The following NTS variants were observed in gnomAD, a reference collection of about 807,000 sequenced individuals.
NTS encodes the protein neurotensin.
Under a neutral mutation model 19.5 loss-of-function variants are expected in NTS, and 20 were observed. That is an observed-to-expected ratio of 1.02 (90% CI 0.72 to 1.49). The LOEUF is 1.49. Among genes scored for constraint, NTS ranks in the 40% most tolerant of loss-of-function variants. The pLI, the probability that NTS is intolerant of heterozygous loss-of-function variation, is 0.00. For missense variants in NTS, 215 were observed against 193.1 expected (o/e 1.11, Z -0.67); for synonymous variants, 71 against 63.3 (o/e 1.12, Z -0.58).
chr12:85,874,989 T>G (rs1375715350), intron 1 of NTS, among the ~76,000 whole-genome samples: 1 of 152,232 alleles, frequency 6.6e-6, no homozygotes, highest in Non-Finnish European at 1.5e-5. Context: ...TGAAGCATTA[T>G]TTGTAGAAAA....
intron 3 of NTS, among the ~76,000 whole-genome samples, chr12:85,879,722 T>A (rs182841348): frequency 7.7e-6 from 1 of 129,468 alleles, no homozygotes; most frequent in Non-Finnish European, 1.7e-5. Context: ...AATATATTTT[T>A]TGTATATTTT....
chr12:85,882,208 A>G lies in NTS; in HGVS notation c.361-15A>G, dbSNP rs751840284. 9 of 1,561,112 alleles carry G rather than the reference A, an allele frequency of 5.8e-6. No homozygotes were observed. Among genetic ancestry groups the G allele is most frequent in the Non-Finnish European group, 7.8e-6 (9 of 1,150,046 alleles). On this transcript the variant is annotated splice_polypyrimidine_tract_variant and intron_variant, in intron 3 of 3. Coordinates refer to ENST00000256010, the MANE Select transcript of NTS (RefSeq NM_006183.5). ...TATTCATGTAAGTTTCACTTATTTT[A>G]TCTCTATCTTGCAGTTAATCCAGGA...
rs1047650091 is a variant in NTS at position 85,882,169 on chromosome 12, G to C, written c.361-54G>C. ...GAGATAGAATGTAGAAAAATGCTCT[G>C]AAACAAAAGAGTTTATTCATGTAAG... On this transcript the variant is annotated intron_variant, in intron 3 of 3. Coordinates refer to ENST00000256010, the MANE Select transcript of NTS (RefSeq NM_006183.5). 22 of 1,399,394 alleles carry C rather than the reference G, an allele frequency of 1.6e-5. No homozygotes were observed. In the South Asian group the frequency reaches 2.4e-4, roughly 15 times the overall value. The allele number at this position is 1,399,394 out of a possible 1,614,324, so 86.7% of individuals were successfully genotyped here. A position where few individuals can be genotyped will look rare whatever the true frequency, so the allele number is the denominator to read the frequency against.
chr12:85,882,434 AATT>A lies in NTS; in HGVS notation c.*62_*64del, dbSNP rs1438660300. 3.1e-6 allele frequency: 4 copies of A among 1,273,662 alleles called. No homozygotes were observed. Among genetic ancestry groups the A allele is most frequent in the Middle Eastern group, 2.0e-4 (1 of 5,098 alleles). The allele number at this position is 1,273,662 out of a possible 1,614,324, so 78.9% of individuals were successfully genotyped here. On this transcript the variant is annotated 3_prime_UTR_variant, in exon 4 of 4. Coordinates refer to ENST00000256010, the MANE Select transcript of NTS (RefSeq NM_006183.5). ...TTCATCATCCCTTAATTAAATATCA[AATT>A]ATATTTGTGTGAAAATGTGACAAAC...
chr12:85,874,583 T>C, intron 1 of NTS, 107 bp downstream of exon 1: 1 of 685,028 alleles, frequency 1.5e-6, no homozygotes, highest in South Asian at 1.9e-5. Context: ...TGCTCCCTTT[T>C]ATTCAGGATT....
In NTS at chr12:85,882,200, C is replaced by T. The variant is rs200977803; in HGVS notation, c.361-23C>T. ...AAAGAGTTTATTCATGTAAGTTTCA[C>T]TTATTTTATCTCTATCTTGCAGTTA... On this transcript the variant is annotated intron_variant, in intron 3 of 3. Coordinates refer to ENST00000256010, the MANE Select transcript of NTS (RefSeq NM_006183.5). The T allele has an allele frequency of 4.0e-5, 62 of 1,544,878 alleles. No homozygotes were observed. In the East Asian group the frequency reaches 4.3e-4, roughly 11 times the overall value.
At chr12:85,877,306 G>A (rs749697617) in intron 2 of NTS, among the ~76,000 whole-genome samples, 2 of 151,378 alleles carry the variant, frequency 1.3e-5, no homozygotes, top group Admixed American at 1.3e-4. Context: ...GACATTTACC[G>A]TTCTACAATG....
rs567459356 is a variant in NTS, at chr12:85,877,782, T to C, written c.136-563T>C. ...ATAGACAACTGAAGTTAATAGTCCG[T>C]GTTAGAAAATGGGATAAGTTAGGTG... On this transcript the variant is annotated intron_variant, in intron 2 of 3. Transcript: ENST00000256010. 4.5e-4 allele frequency among the ~76,000 whole-genome samples: 68 copies of C among 152,260 alleles called. 1 individual carries two copies. The highest frequency in any genetic ancestry group is 1.6e-3 in the African/African-American group (65 of 41,562).
chr12:85,878,387 A>C lies in NTS; in HGVS notation c.178A>C (p.Asn60His), dbSNP rs762513562. The change falls in exon 3 of 4, where the codon AAT (asparagine) becomes CAT (histidine). Residue 60 changes from asparagine to histidine, a missense_variant. Transcript: ENST00000256010. ...HVPSWKMTLL[N>H]VCSLVNNLNS... is the part of the protein sequence containing the mutation. The stretch of plus-strand genomic sequence containing the variant: ...TCCCTCTTGGAAGATGACTCTGCTA[A>C]ATGTTTGCAGTCTTGTAAATAATTT... 3.1e-6 allele frequency: 5 copies of C among 1,612,564 alleles called. 1 individual carries two copies. Among genetic ancestry groups the C allele is most frequent in the Non-Finnish European group, 2.5e-6 (3 of 1,179,192 alleles).
In NTS at chr12:85,876,741, A is replaced by G. The variant is rs115434618; in HGVS notation, c.135+40A>G. ...TCTTTAACCCTGAGTTGAAGAACAT[A>G]TGAACTTTCATTATAAACATGGTAT... On this transcript the variant is annotated intron_variant, in intron 2 of 3. Transcript: ENST00000256010. The G allele has an allele frequency of 6.1e-4, 649 of 1,069,628 alleles. 5 individuals carry two copies. The African/African-American group carries it at 9.1e-3, about 15-fold the overall frequency. The allele number at this position is 1,069,628 out of a possible 1,614,324, so 66.3% of individuals were successfully genotyped here. A position where few individuals can be genotyped will look rare whatever the true frequency, so the allele number is the denominator to read the frequency against.
At chr12:85,875,821 C>T (rs1180043722) in intron 1 of NTS, among the ~76,000 whole-genome samples, 1 of 151,876 alleles carries the variant, frequency 6.6e-6, no homozygotes, top group Non-Finnish European at 1.5e-5. Context: ...AAAATTAAGC[C>T]AATGGGTTCT....
At chr12:85,879,913 A>G (rs896531844) in intron 3 of NTS, among the ~76,000 whole-genome samples, 12 of 147,522 alleles carry the variant, frequency 8.1e-5, no homozygotes, top group Admixed American at 2.0e-4. Context: ...ATGTATATAA[A>G]AATATAGAAT....
chr12:85,875,949 T>G (rs1238675990), intron 1 of NTS, among the ~76,000 whole-genome samples: 2 of 152,004 alleles, frequency 1.3e-5, no homozygotes, highest in East Asian at 3.8e-4. Context: ...AAAATATTCA[T>G]TAACAGAAAC....
chr12:85,875,325 T>C (rs1335680321), intron 1 of NTS, among the ~76,000 whole-genome samples: 1 of 152,172 alleles, frequency 6.6e-6, no homozygotes, highest in Non-Finnish European at 1.5e-5. Flanking sequence ...AATATTACAA[T>C]GAACACTTCA....
intron 1 of NTS, 50 bp from the exon 2 acceptor site, chr12:85,876,590 A>T: frequency 9.2e-7 from 1 of 1,084,372 alleles, no homozygotes. Flanking sequence ...AGATTATGAT[A>T]TAATTATATG....
chr12:85,879,253 C>CGTAAAAT (rs1565770736), intron 3 of NTS, among the ~76,000 whole-genome samples: 2 of 34 alleles, frequency 0.059, 1 homozygote, highest in Non-Finnish European at 0.077. Flanking sequence ...ATATATTATA[C>CGTAAAAT]ATAATTTTAT....
chr12:85,876,103 G>GTACAA (rs1054370797), intron 1 of NTS, among the ~76,000 whole-genome samples: 1 of 128,456 alleles, frequency 7.8e-6, no homozygotes, highest in South Asian at 2.1e-4. Context: ...TTCTCTTAAA[G>GTACAA]TACAATACAA....
intron 2 of NTS, among the ~76,000 whole-genome samples, chr12:85,877,522 G>T (rs1168753137): frequency 6.6e-6 from 1 of 151,444 alleles, no homozygotes; most frequent in East Asian, 1.9e-4. Flanking sequence ...AATACGTTCT[G>T]GGGTACATGG....
At chr12:85,878,612 G>C (rs1336338682) in intron 3 of NTS, 43 bp downstream of exon 3, 2 of 1,122,122 alleles carry the variant, frequency 1.8e-6, no homozygotes, top group African/African-American at 3.2e-5. Flanking sequence ...AGTTACACTA[G>C]TTAGCTCTCA....
Sources: allele counts gnomAD v4.1 joint callset (sites outside exome capture counted in the v4.1 genomes callset), GRCh38; gene constraint gnomAD v4.1.1; transcripts MANE v1.5; gene names NCBI Gene and HGNC (gene_info 2026-07-23, HGNC 2026-07-21).